The following GABRB2 variants were observed in gnomAD, a reference collection of about 807,000 sequenced individuals.
GABRB2 encodes gamma-aminobutyric acid type A receptor subunit beta2.
Under a neutral mutation model 54.7 loss-of-function variants are expected in GABRB2, and 16 were observed. The observed-to-expected ratio is 0.29, with a 90% CI of 0.20 to 0.44. The LOEUF is 0.44. Ranked by LOEUF, GABRB2 falls within the 20% of genes least tolerant of loss-of-function variation. The pLI, the probability that GABRB2 is intolerant of heterozygous loss-of-function variation, is 1.00. For missense variants in GABRB2, 355 were observed against 644.0 expected, an observed-to-expected ratio of 0.55 and a Z score of 4.86; for synonymous variants, 244 against 233.8, an observed-to-expected ratio of 1.04 and a Z score of -0.40.
intron 3 of GABRB2, among the ~76,000 whole-genome samples, chr5:161,474,879 T>C (rs1758548831): frequency 6.6e-6 from 1 of 151,926 alleles, no homozygotes; most frequent in Non-Finnish European, 1.5e-5. Flanking sequence ...TAATTTTATA[T>C]CCCTAGGCCA....
intron 5 of GABRB2, among the ~76,000 whole-genome samples, chr5:161,361,263 ATGT>A (rs1157496959): frequency 6.6e-6 from 1 of 152,084 alleles, no homozygotes; most frequent in Non-Finnish European, 1.5e-5. Flanking sequence ...ATTTTCAATG[ATGT>A]TAAGAAATTA....
intron 3 of GABRB2, among the ~76,000 whole-genome samples, chr5:161,508,079 T>A (rs1759663131): frequency 6.6e-6 from 1 of 151,940 alleles, no homozygotes; most frequent in Non-Finnish European, 1.5e-5. Flanking sequence ...TAAATATAAA[T>A]ACTGTTTTAA....
chr5:161,379,963 A>G (rs1755417732), intron 5 of GABRB2, among the ~76,000 whole-genome samples: 1 of 152,136 alleles, frequency 6.6e-6, no homozygotes, highest in African/African-American at 2.4e-5. Flanking sequence ...AAAGAACACA[A>G]TTAACTACAG....
At chr5:161,372,738 T>A (rs1755168325) in intron 5 of GABRB2, among the ~76,000 whole-genome samples, 1 of 152,190 alleles carries the variant, frequency 6.6e-6, no homozygotes, top group South Asian at 2.1e-4. Context: ...TCATTTAAAA[T>A]TCACATCAAT....
rs1753947891 is a variant in GABRB2, at chr5:161,334,914, C to T, written c.680-10G>A. ...AACCTGGGATAGGAACCTAGAAAGG[C>T]AATTTTAGAACATCATCATTATCAA... is the stretch of plus-strand genomic sequence containing the variant. On this transcript the variant is annotated splice_polypyrimidine_tract_variant and intron_variant, in intron 6 of 9. Transcript: ENST00000393959. 6.2e-7 allele frequency: 1 copy of T among 1,612,710 alleles called. No individual in the cohort carries two copies. The highest frequency in any genetic ancestry group is 8.5e-7 in the Non-Finnish European group (1 of 1,179,162).
At chr5:161,422,345 A>G (rs1047588571) in intron 4 of GABRB2, among the ~76,000 whole-genome samples, 2 of 152,102 alleles carry the variant, frequency 1.3e-5, no homozygotes, top group African/African-American at 4.8e-5. Context: ...TATACATACT[A>G]TATAGATGTA....
intron 3 of GABRB2, among the ~76,000 whole-genome samples, chr5:161,503,049 C>G (rs1759496747): frequency 6.6e-6 from 1 of 151,272 alleles, no homozygotes; most frequent in South Asian, 2.1e-4. Flanking sequence ...AACTCCTAGA[C>G]TAGAAGCAGC....
chr5:161,361,085 CAA>C (rs202078627), intron 5 of GABRB2, among the ~76,000 whole-genome samples: 3 of 147,624 alleles, frequency 2.0e-5, no homozygotes, highest in African/African-American at 7.5e-5. Context: ...CTGTGAGAAA[CAA>C]AAAAAAAGAC....
chr5:161,546,614 A>C lies in GABRB2; in HGVS notation c.30T>G (p.Phe10Leu), dbSNP rs2113490909. The C allele has an allele frequency of 6.2e-7, 1 of 1,600,710 alleles. No individual in the cohort carries two copies. The highest frequency in any genetic ancestry group is 8.5e-7 in the Non-Finnish European group (1 of 1,173,156). MWRVRKRGY[F>L]GIWSFPLIIA... ...TTATTAAGGGGAAGGACCAAATCCC[A>C]AAGTAGCCCCTTTTCCGCACTCTCC... Residue 10 changes from phenylalanine (F) to leucine (L), a missense_variant, in exon 1 of 10, where the codon TTT (phenylalanine) becomes TTG (leucine). Phe to Leu is a conservative substitution (Grantham distance 22, BLOSUM62 0). Transcript: ENST00000393959.
chr5:161,440,390 T>C (rs1416598253), intron 4 of GABRB2, among the ~76,000 whole-genome samples: 3 of 151,798 alleles, frequency 2.0e-5, no homozygotes, highest in Non-Finnish European at 4.4e-5. Flanking sequence ...AATAAATAAA[T>C]GAAAGAAGGT....
intron 3 of GABRB2, among the ~76,000 whole-genome samples, chr5:161,489,584 TCAGTGAAATTACTGAGA>T (rs141237381): frequency 0.026 from 3,917 of 151,712 alleles, 80 homozygotes; most frequent in East Asian, 0.11. Context: ...GCTTAGCATC[TCAGTGAAATTACTGAGA>T]CAGGCTACAT....
intron 5 of GABRB2, among the ~76,000 whole-genome samples, chr5:161,382,303 T>C (rs149321898): frequency 8.5e-5 from 13 of 152,254 alleles, no homozygotes; most frequent in Non-Finnish European, 1.9e-4. Flanking sequence ...AAGAAAGTAT[T>C]TCATCAGAAA....
intron 6 of GABRB2, 110 bp downstream of exon 6, chr5:161,336,522 G>C: frequency 4.0e-6 from 5 of 1,258,602 alleles, no homozygotes; most frequent in Non-Finnish European, 5.4e-6. Flanking sequence ...CAGTGGATTT[G>C]TCTTGTAAAG....
At chr5:161,412,455 C>A (rs1207460349) in intron 4 of GABRB2, among the ~76,000 whole-genome samples, 1 of 152,140 alleles carries the variant, frequency 6.6e-6, no homozygotes, top group Non-Finnish European at 1.5e-5. Context: ...GCCTTACATC[C>A]AAATCACTGC....
intron 3 of GABRB2, among the ~76,000 whole-genome samples, chr5:161,477,547 G>T (rs1323157412): frequency 6.6e-6 from 1 of 151,860 alleles, no homozygotes; most frequent in African/African-American, 2.4e-5. Context: ...GTCAAGAGGT[G>T]GAAGCAACTC....
At chr5:161,392,739 A>C (rs2113043733) in intron 5 of GABRB2, among the ~76,000 whole-genome samples, 1 of 152,342 alleles carries the variant, frequency 6.6e-6, no homozygotes, top group African/African-American at 2.4e-5. Flanking sequence ...AGCTATTCAT[A>C]GTTCATGCTT....
At chr5:161,295,436 T>C (rs1401104078) in intron 9 of GABRB2, among the ~76,000 whole-genome samples, 1 of 152,134 alleles carries the variant, frequency 6.6e-6, no homozygotes, top group Non-Finnish European at 1.5e-5. Context: ...TAATAAAACC[T>C]AGACAGAACA....
intron 5 of GABRB2, among the ~76,000 whole-genome samples, chr5:161,402,217 GT>G: frequency 6.6e-6 from 1 of 152,066 alleles, no homozygotes; most frequent in Admixed American, 6.6e-5. Flanking sequence ...TAGGCAACTG[GT>G]TACAGAAATT....
chr5:161,330,094 A>G (rs1753787480), intron 8 of GABRB2: 1 of 151,448 alleles, frequency 6.6e-6, no homozygotes, highest in Non-Finnish European at 1.5e-5. Context: ...GAGGGGACCA[A>G]GGCTTCAGTA....
Sources: gnomAD v4.1 joint callset for allele counts (sites outside exome capture counted in the v4.1 genomes callset) on GRCh38, gnomAD v4.1.1 for gene constraint, MANE v1.5 for transcripts, NCBI Gene and HGNC (gene_info 2026-07-23, HGNC 2026-07-21) for gene names.